Variants in PCBP3 observed in about 807,000 individuals in gnomAD.
The protein encoded by PCBP3 is poly(rC)-binding protein 3.
PCBP3 carries 25 observed loss-of-function variants against 52.7 expected under a neutral mutation model. The observed-to-expected ratio is 0.47, with a 90% confidence interval of 0.35 to 0.66. The LOEUF is 0.66. Ranked by LOEUF, PCBP3 falls within the 30% of genes least tolerant of loss-of-function variation. The pLI is 0.01. For missense variants in PCBP3, 391 were observed against 490.3 expected (o/e 0.80, Z 1.91); for synonymous variants, 162 against 183.0 (o/e 0.89, Z 0.93).
At chr21:45,670,881 T>C (rs571111356) in intron 2 of PCBP3, among the ~76,000 whole-genome samples, 6 of 152,344 alleles carry the variant, frequency 3.9e-5, no homozygotes, top group Non-Finnish European at 8.8e-5. Flanking sequence ...TGTGTGGTGA[T>C]TCGGCCCAGC....
intron 1 of PCBP3, among the ~76,000 whole-genome samples, chr21:45,662,827 G>T (rs2080497012): frequency 6.6e-6 from 1 of 152,112 alleles, no homozygotes; most frequent in Admixed American, 6.5e-5. Flanking sequence ...GCCAGTGTCT[G>T]TTGCCAAGTG....
At chr21:45,884,007 G>C (rs2095461175) in intron 5 of PCBP3, among the ~76,000 whole-genome samples, 1 of 152,050 alleles carries the variant, frequency 6.6e-6, no homozygotes, top group Non-Finnish European at 1.5e-5. Flanking sequence ...GTGTGATCAT[G>C]GCTCACTGCA....
At chr21:45,814,877 AGTGAGTG>A (rs1443098213) in intron 4 of PCBP3, among the ~76,000 whole-genome samples, 1 of 90,634 alleles carries the variant, frequency 1.1e-5, no homozygotes, top group Non-Finnish European at 2.1e-5. Flanking sequence ...GTGACTGGTG[AGTGAGTG>A]GTGAGTGATG....
At chr21:45,915,956 C>T (rs536675530) in intron 12 of PCBP3, 1 of 152,316 alleles carries the variant, frequency 6.6e-6, no homozygotes, top group South Asian at 2.1e-4. Flanking sequence ...GGCCCATCCA[C>T]TTTATTTCTG....
At chr21:45,878,975 G>A (rs1472409518) in intron 5 of PCBP3, among the ~76,000 whole-genome samples, 1 of 152,138 alleles carries the variant, frequency 6.6e-6, no homozygotes, top group Non-Finnish European at 1.5e-5. Context: ...CAGGGAAAGC[G>A]AAGGTTTTGT....
At chr21:45,856,087 T>G (rs1182289910) in intron 5 of PCBP3, among the ~76,000 whole-genome samples, 1 of 152,232 alleles carries the variant, frequency 6.6e-6, no homozygotes, top group Non-Finnish European at 1.5e-5. Flanking sequence ...AAGCCATCTT[T>G]TATGGGGGAA....
chr21:45,887,374 G>A (rs1224390216), intron 5 of PCBP3, among the ~76,000 whole-genome samples: 1 of 152,254 alleles, frequency 6.6e-6, no homozygotes, highest in Non-Finnish European at 1.5e-5. Context: ...GGAGCTGCTG[G>A]GGCTGCGCCA....
Position 45,837,764 on chromosome 21 carries a change from C to T in PCBP3, c.-125-12197C>T, listed in dbSNP as rs974148815. 4.6e-5 allele frequency among the ~76,000 whole-genome samples: 7 copies of T among 152,176 alleles called. No individual in the cohort carries two copies. Among genetic ancestry groups the T allele is most frequent in the African/African-American group, 1.2e-4 (5 of 41,432 alleles). On this transcript the variant is annotated intron_variant, in intron 4 of 17. Transcript: ENST00000681687. This position sits in a 1 kb window ranked among gnomAD's most constrained non-coding sequence, Gnocchi z 4.1. ...CGTTGCACCGCATGGCATGATGAGG[C>T]GTGTGGTCTGGCCGCTCCTTCACTG... is the stretch of plus-strand genomic sequence containing the variant.
intron 2 of PCBP3, among the ~76,000 whole-genome samples, chr21:45,694,758 C>T (rs2082670687): frequency 6.6e-6 from 1 of 152,072 alleles, no homozygotes; most frequent in Admixed American, 6.6e-5. Flanking sequence ...GAAATAAAAC[C>T]AGTGCCTCTA....
intron 13 of PCBP3, among the ~76,000 whole-genome samples, chr21:45,929,359 G>A (rs1316131487): frequency 6.6e-6 from 1 of 152,166 alleles, no homozygotes; most frequent in Non-Finnish European, 1.5e-5. Context: ...CAGATGTGTG[G>A]CCCCTCAGGT....
intron 2 of PCBP3, among the ~76,000 whole-genome samples, chr21:45,725,834 G>A (rs1023081458): frequency 1.3e-5 from 2 of 151,726 alleles, no homozygotes; most frequent in African/African-American, 4.8e-5. Flanking sequence ...TAGGCAGGAG[G>A]CGTGCATGGA....
chr21:45,664,890 A>G (rs1041004548), intron 1 of PCBP3, among the ~76,000 whole-genome samples: 7 of 151,142 alleles, frequency 4.6e-5, no homozygotes, highest in African/African-American at 1.7e-4. Context: ...TTCTTGCGAT[A>G]GTTTACTGAG....
rs7277392 is a variant in PCBP3, at chr21:45,829,139, G to T, written c.-125-20822G>T. ...AGATGGCATTTCACAACTCCAGGGTGCCACGGTTTCACAACTCCAGAGCAG... is the reference window on the plus strand; with the variant it reads ...AGATGGCATTTCACAACTCCAGGGTTCCACGGTTTCACAACTCCAGAGCAG... On this transcript the variant is annotated intron_variant, in intron 4 of 17. Transcript: ENST00000681687. The surrounding 1 kb of genome is among the most constrained non-coding windows in gnomAD (Gnocchi z 5.2). 803 of 152,556 alleles carry T rather than the reference G, an allele frequency of 5.3e-3. 4 individuals are homozygous for T. Among genetic ancestry groups the T allele is most frequent in the African/African-American group, 0.018 (750 of 41,582 alleles). 9.5% of individuals were successfully genotyped at this position (152,556 alleles called of 1,614,324 possible).
In PCBP3 at chr21:45,742,021, C is replaced by T. The variant is rs574710976; in HGVS notation, c.-162+6592C>T. Among the ~76,000 whole-genome samples the T allele has an allele frequency of 1.4e-4, 21 of 152,350 alleles. 1 individual carries two copies. The highest frequency in any genetic ancestry group is 4.6e-4 in the African/African-American group (19 of 41,582). Reference sequence around the variant, plus strand: ...TATTCTGCAAAGTGTTCGACCTTACCTAGTTTGAGAACATTATTTTTAGAA... The same window carrying T: ...TATTCTGCAAAGTGTTCGACCTTACTTAGTTTGAGAACATTATTTTTAGAA... On this transcript the variant is annotated intron_variant, in intron 3 of 17. Coordinates refer to ENST00000681687, the MANE Select transcript of PCBP3 (RefSeq NM_001384156.1).
At position 45,711,058 on chromosome 21, in the gene PCBP3, A is replaced by C. The variant is rs571065434; in HGVS notation, c.-199-24334A>C. Among the ~76,000 whole-genome samples the C allele has an allele frequency of 2.0e-5, 3 of 152,240 alleles. No homozygotes were observed. The East Asian group carries it at 5.8e-4, about 29-fold the overall frequency. ...CTGAAAGTGATGATGCTCCAGGCTC[A>C]TTTTGTGTATAGTATTTCCTGCCCT... On this transcript the variant is annotated intron_variant, in intron 2 of 17. Coordinates refer to ENST00000681687, the MANE Select transcript of PCBP3 (RefSeq NM_001384156.1).
chr21:45,722,814 A>C (rs1306073963), intron 2 of PCBP3, among the ~76,000 whole-genome samples: 1 of 151,978 alleles, frequency 6.6e-6, no homozygotes, highest in African/African-American at 2.4e-5. Flanking sequence ...CATCCTGGCT[A>C]ACAACGGTGA....
At chr21:45,729,736 A>G (rs1429022060) in intron 2 of PCBP3, among the ~76,000 whole-genome samples, 2 of 152,046 alleles carry the variant, frequency 1.3e-5, no homozygotes, top group Non-Finnish European at 2.9e-5. Context: ...ATTTATCAAT[A>G]TTATGTGCCT....
chr21:45,646,020 C>T (rs1405062444), intron 1 of PCBP3, among the ~76,000 whole-genome samples: 1 of 151,426 alleles, frequency 6.6e-6, no homozygotes, highest in Non-Finnish European at 1.5e-5. Flanking sequence ...GTCATGGGCC[C>T]GCTGTCCATG....
intron 4 of PCBP3, among the ~76,000 whole-genome samples, chr21:45,759,600 G>C (rs562992053): frequency 7.2e-5 from 11 of 152,092 alleles, no homozygotes; most frequent in African/African-American, 2.7e-4. Flanking sequence ...ACAGCCCAGA[G>C]GGACAAAGAG....
Sources: gnomAD v4.1 joint callset for allele counts (sites outside exome capture counted in the v4.1 genomes callset) on GRCh38, gnomAD v4.1.1 for gene constraint, Gnocchi (gnomAD v3.1) non-coding constraint, MANE v1.5 for transcripts, NCBI Gene and HGNC (gene_info 2026-07-23, HGNC 2026-07-21) for gene names.